MAP3K15: variants seen among roughly 807,000 people sequenced by gnomAD.
The protein encoded by MAP3K15 is MAPK/ERK kinase kinase 15.
MAP3K15 carries 124 observed loss-of-function variants against 99.5 expected under a neutral mutation model. The ratio of observed to expected loss-of-function variants is 1.25; its 90% CI spans 1.08 to 1.45. MAP3K15 has a LOEUF of 1.45. Among genes scored for constraint, MAP3K15 ranks in the 40% most tolerant of loss-of-function variants. The pLI is 0.00. For missense variants in MAP3K15, 1,242 were observed against 1,079.7 expected, an observed-to-expected ratio of 1.15 and a Z score of -2.11; for synonymous variants, 494 against 439.6, an observed-to-expected ratio of 1.12 and a Z score of -1.55.
intron 13 of MAP3K15, among the ~76,000 whole-genome samples, chrX:19,404,669 A>T (rs745478073): frequency 1.8e-5 from 2 of 112,205 alleles, no homozygotes; most frequent in East Asian, 5.6e-4. Flanking sequence ...AAACAATGGA[A>T]CGGAATTGAG....
intron 3 of MAP3K15, among the ~76,000 whole-genome samples, chrX:19,466,289 G>GT (rs2147366475): frequency 8.9e-6 from 1 of 111,735 alleles, no homozygotes; most frequent in East Asian, 2.8e-4. Context: ...CCTTGATATG[G>GT]TTAGGCTTTG....
At chrX:19,416,695 A>C (rs2063738629) in intron 9 of MAP3K15, among the ~76,000 whole-genome samples, 1 of 112,370 alleles carries the variant, frequency 8.9e-6, no homozygotes, top group Non-Finnish European at 1.9e-5. Flanking sequence ...GAAATTCATG[A>C]AGCCGTCACT....
chrX:19,413,514 G>A lies in MAP3K15; in HGVS notation c.1591-50C>T, dbSNP rs148014317. On this transcript the variant is annotated intron_variant, in intron 10 of 28. Transcript: ENST00000338883. ...AACGTACATGGGTAGAAAACATAGC[G>A]CACCCTGCCCAGCGAGGAGGCGGGG... is the stretch of plus-strand genomic sequence containing the variant. 6.3e-3 allele frequency: 6,109 copies of A among 973,962 alleles called. 214 individuals carry two copies. In the African/African-American group the frequency reaches 0.095, roughly 15 times the overall value. The allele number at this position is 973,962 out of a possible 1,213,427, so 80.3% of individuals were successfully genotyped here.
chrX:19,502,730 A>G (rs1033204847), intron 1 of MAP3K15, among the ~76,000 whole-genome samples: 18 of 111,873 alleles, frequency 1.6e-4, no homozygotes, highest in Admixed American at 4.7e-4. Flanking sequence ...CTGTGACTGG[A>G]GAATCACTTG....
At chrX:19,460,950 T>C (rs1283409872) in intron 4 of MAP3K15, among the ~76,000 whole-genome samples, 1 of 107,248 alleles carries the variant, frequency 9.3e-6, no homozygotes, top group African/African-American at 3.4e-5. Flanking sequence ...AATTTTTGTA[T>C]TGCTATTAGA....
At position 19,360,688 on chromosome X, in the gene MAP3K15, A is replaced by C; in HGVS notation, c.*61T>G. 1.1e-6 allele frequency: 1 copy of C among 904,912 alleles called. No homozygotes were observed. The highest frequency in any genetic ancestry group is 2.4e-5 in the Admixed American group (1 of 42,082). 74.6% of individuals were successfully genotyped at this position (904,912 alleles called of 1,213,427 possible). A position where few individuals can be genotyped will look rare whatever the true frequency, so the allele number is the denominator to read the frequency against. On this transcript the variant is annotated 3_prime_UTR_variant, in exon 29 of 29. Transcript: ENST00000338883. ...CAGCGGAATTCGTGTATACACTAACAGAAGCTTTAACAAAACATGTAGCGT... is the reference window on the plus strand; with the variant it reads ...CAGCGGAATTCGTGTATACACTAACCGAAGCTTTAACAAAACATGTAGCGT...
At chrX:19,487,327 C>G (rs1302712263) in intron 2 of MAP3K15, among the ~76,000 whole-genome samples, 2 of 111,218 alleles carry the variant, frequency 1.8e-5, no homozygotes, top group Non-Finnish European at 3.8e-5. Context: ...GTCCATTGAA[C>G]TTTCCAGAGG....
At chrX:19,382,621 C>T (rs1362112911) in intron 18 of MAP3K15, among the ~76,000 whole-genome samples, 1 of 112,268 alleles carries the variant, frequency 8.9e-6, no homozygotes, top group Non-Finnish European at 1.9e-5. Flanking sequence ...TGGCTTTGGT[C>T]TCCAGAGCTG....
intron 12 of MAP3K15, 75 bp downstream of exon 12, chrX:19,409,849 G>A: frequency 1.2e-6 from 1 of 820,946 alleles, no homozygotes. Context: ...ATGAGTAAGT[G>A]GAAACATTAA....
In MAP3K15 at chrX:19,364,225, C is replaced by T. The variant is rs1019770673; in HGVS notation, c.3567-1375G>A. ...ACAGGCTGGGCTCTTCCCAAGGGAC[C>T]GCCTCCTGAAACCCAGTCTTGCTCA... On this transcript the variant is annotated intron_variant, in intron 25 of 28. Transcript: ENST00000338883. Among the ~76,000 whole-genome samples the T allele has an allele frequency of 2.7e-5, 3 of 111,997 alleles. No individual in the cohort carries two copies. In the Admixed American group the frequency reaches 2.8e-4, roughly 11 times the overall value.
chrX:19,371,037 T>G lies in MAP3K15; in HGVS notation c.3322A>C (p.Ile1108Leu). The change falls in exon 24 of 29, where the codon ATT (isoleucine) becomes CTT (leucine). Residue 1108 changes from isoleucine to leucine, a missense_variant. Transcript: ENST00000338883. ...AVNKILRNHL[I>L]RPHWMFAMDN... ...ATCGCGAACATCCAGTGGGGCCTAA[T>G]TAAGTGGTTCCTCAAAATTTTATTT... 8.7e-7 allele frequency: 1 copy of G among 1,154,178 alleles called. No homozygotes were observed. Among genetic ancestry groups the G allele is most frequent in the Non-Finnish European group, 1.1e-6 (1 of 873,398 alleles).
At chrX:19,410,452 A>C (rs1223053766) in intron 11 of MAP3K15, among the ~76,000 whole-genome samples, 1 of 111,922 alleles carries the variant, frequency 8.9e-6, no homozygotes, top group East Asian at 2.8e-4. Context: ...AGAGAGATAT[A>C]CAGTGGAGTT....
chrX:19,393,335 C>A (rs1011071521), intron 16 of MAP3K15, among the ~76,000 whole-genome samples: 1 of 111,709 alleles, frequency 9.0e-6, no homozygotes, highest in African/African-American at 3.3e-5. Flanking sequence ...TATCAACTAA[C>A]GTGAAGAGTA....
At chrX:19,447,365 C>T (rs2064005770) in intron 6 of MAP3K15, among the ~76,000 whole-genome samples, 1 of 111,751 alleles carries the variant, frequency 8.9e-6, no homozygotes, top group Admixed American at 9.6e-5. Context: ...ACAAGTCCTT[C>T]AACACAGGCA....
chrX:19,445,251 G>A (rs972745556), intron 6 of MAP3K15, among the ~76,000 whole-genome samples: 20 of 109,978 alleles, frequency 1.8e-4, no homozygotes, highest in Non-Finnish European at 3.6e-4. Flanking sequence ...TGGGGTGGGG[G>A]GAGACCTAGA....
In MAP3K15 at chrX:19,371,166, G is replaced by A. The variant is rs777983210; in HGVS notation, c.3295-102C>T. 2.8e-4 allele frequency: 222 copies of A among 786,873 alleles called. 1 individual carries two copies. The South Asian group carries it at 6.0e-3, about 21-fold the overall frequency. 64.8% of individuals were successfully genotyped at this position (786,873 alleles called of 1,213,427 possible). ...GGCAACCTACACTCATCCTCTTGGG[G>A]GCCGCATGCAATCAGCCAGTTCACC... On this transcript the variant is annotated intron_variant, in intron 23 of 28. Transcript: ENST00000338883.
At chrX:19,410,460 G>A (rs762526751) in intron 11 of MAP3K15, among the ~76,000 whole-genome samples, 1 of 111,935 alleles carries the variant, frequency 8.9e-6, no homozygotes, top group Non-Finnish European at 1.9e-5. Context: ...ATACAGTGGA[G>A]TTTTGGCCAA....
chrX:19,453,112 G>A (rs1381156903), intron 6 of MAP3K15, among the ~76,000 whole-genome samples: 1 of 111,401 alleles, frequency 9.0e-6, no homozygotes, highest in Admixed American at 9.6e-5. Flanking sequence ...CTAGAGCCCC[G>A]TTTCACCATA....
intron 1 of MAP3K15, among the ~76,000 whole-genome samples, chrX:19,495,088 T>G (rs1174158230): frequency 8.9e-6 from 1 of 111,923 alleles, no homozygotes; most frequent in East Asian, 2.8e-4. Context: ...CTTGGCTCAC[T>G]GCAACCTCCA....
Sources: gnomAD v4.1 joint callset for allele counts (sites outside exome capture counted in the v4.1 genomes callset) on GRCh38, gnomAD v4.1.1 for gene constraint, MANE v1.5 for transcripts, NCBI Gene and HGNC (gene_info 2026-07-23, HGNC 2026-07-21) for gene names.